Variants in RBPJ observed in about 807,000 individuals in gnomAD.
RBPJ encodes the protein recombination signal binding protein for immunoglobulin kappa J region.
RBPJ carries 9 observed loss-of-function variants against 67.8 expected under a neutral mutation model. The ratio of observed to expected loss-of-function variants is 0.13; its 90% CI spans 0.08 to 0.23. The LOEUF is 0.23. Ranked by LOEUF, RBPJ falls within the 10% of genes least tolerant of loss-of-function variation. The pLI is 1.00. For missense variants in RBPJ, 305 were observed against 595.6 expected (o/e 0.51, Z 5.08); for synonymous variants, 198 against 203.3 (o/e 0.97, Z 0.22).
At chr4:26,230,986 T>A (rs775066833) in intron 1 of RBPJ, among the ~76,000 whole-genome samples, 57 of 152,166 alleles carry the variant, frequency 3.7e-4, no homozygotes, top group Non-Finnish European at 1.5e-4. Flanking sequence ...TCCCCCAGGC[T>A]CTCTGACAAC....
intron 1 of RBPJ, among the ~76,000 whole-genome samples, chr4:26,354,075 C>A (rs962427098): frequency 6.6e-6 from 1 of 151,926 alleles, no homozygotes; most frequent in African/African-American, 2.4e-5. Flanking sequence ...GGACTACAGG[C>A]GCGTGCCACC....
chr4:26,327,971 T>C (rs1434769456), intron 1 of RBPJ, among the ~76,000 whole-genome samples: 3 of 152,214 alleles, frequency 2.0e-5, no homozygotes, highest in African/African-American at 7.2e-5. Flanking sequence ...GAACAGTCTA[T>C]TATGGACATA....
intron 1 of RBPJ, among the ~76,000 whole-genome samples, chr4:26,281,437 C>T (rs1426588757): frequency 1.3e-5 from 2 of 152,116 alleles, no homozygotes; most frequent in Non-Finnish European, 2.9e-5. Flanking sequence ...CACCACCACA[C>T]CCAGCTAATT....
At chr4:26,171,876 T>C (rs964126987) in intron 1 of RBPJ, among the ~76,000 whole-genome samples, 1 of 152,206 alleles carries the variant, frequency 6.6e-6, no homozygotes, top group Non-Finnish European at 1.5e-5. Flanking sequence ...CCTGCCCCTG[T>C]CATCAGCAGG....
intron 1 of RBPJ, among the ~76,000 whole-genome samples, chr4:26,300,090 G>A (rs552629644): frequency 2.0e-4 from 31 of 152,282 alleles, no homozygotes; most frequent in African/African-American, 7.5e-4. Flanking sequence ...AAAGATTCTT[G>A]ACTTGGAAGC....
intron 1 of RBPJ, among the ~76,000 whole-genome samples, chr4:26,335,342 C>T (rs558725185): frequency 7.9e-5 from 12 of 151,964 alleles, no homozygotes; most frequent in Middle Eastern, 6.8e-3. Context: ...CCACCACGCC[C>T]GGCTGATTTT....
At position 26,430,893 on chromosome 4, in the gene RBPJ, C is replaced by T; in HGVS notation, c.1350C>T (p.Ala450=). The T allele has an allele frequency of 6.2e-7, 1 of 1,613,958 alleles. No individual in the cohort carries two copies. The highest frequency in any genetic ancestry group is 1.1e-5 in the South Asian group (1 of 91,068). ...GTGCAGCAGGAGCAATCCTTCGAGCCAATTCAAGCCAGGTGCCCCCTAACG... is the reference window on the plus strand; with the variant it reads ...GTGCAGCAGGAGCAATCCTTCGAGCTAATTCAAGCCAGGTGCCCCCTAACG... ...HCSAAGAILR[A]NSSQVPPNES... The change falls in exon 11 of 11, where the codon GCC becomes GCT. Residue 450 remains alanine (A), a synonymous_variant. Coordinates refer to ENST00000355476, the MANE Select transcript of RBPJ (RefSeq NM_015874.6). This position sits in a 1 kb window ranked among gnomAD's most constrained non-coding sequence, Gnocchi z 4.1.
intron 1 of RBPJ, among the ~76,000 whole-genome samples, chr4:26,331,681 G>T (rs138232809): frequency 2.4e-4 from 36 of 152,292 alleles, no homozygotes; most frequent in Non-Finnish European, 4.0e-4. Flanking sequence ...CAGGAACATA[G>T]TTGTCCTCCT....
At chr4:26,230,209 T>C (rs1719228676) in intron 1 of RBPJ, among the ~76,000 whole-genome samples, 1 of 150,854 alleles carries the variant, frequency 6.6e-6, no homozygotes, top group South Asian at 2.1e-4. Flanking sequence ...AAAAAAGTCA[T>C]TATGACACAT....
chr4:26,419,034 G>T (rs73121200), intron 4 of RBPJ, among the ~76,000 whole-genome samples: 1 of 152,072 alleles, frequency 6.6e-6, no homozygotes, highest in Non-Finnish European at 1.5e-5. Flanking sequence ...GCTGGAGTGC[G>T]GTGGTGGGAT....
At chr4:26,334,590 G>A (rs187808283) in intron 1 of RBPJ, among the ~76,000 whole-genome samples, 206 of 152,178 alleles carry the variant, frequency 1.4e-3, no homozygotes, top group African/African-American at 4.8e-3. Flanking sequence ...CTTAACGTCC[G>A]TTTCCTTTCT....
rs766071390 is a variant in RBPJ at position 26,428,746 on chromosome 4, C to T, written c.774C>T (p.Thr258=). 10 of 1,609,182 alleles carry T rather than the reference C, an allele frequency of 6.2e-6. No individual in the cohort carries two copies. The highest frequency in any genetic ancestry group is 2.2e-5 in the East Asian group (1 of 44,766). ...TAATTAGGAAAGTTGATAAGCAGAC[C>T]GCATTATTGGATGCAGATGATCCTG... The part of the protein sequence containing the change: ...RLIIRKVDKQ[T]ALLDADDPVS... Residue 258 remains threonine (T), a synonymous_variant, in exon 8 of 11, where the codon ACC becomes ACT. Coordinates refer to ENST00000355476, the MANE Select transcript of RBPJ (RefSeq NM_015874.6).
At chr4:26,379,060 A>G (rs1730048582) in intron 1 of RBPJ, among the ~76,000 whole-genome samples, 1 of 152,068 alleles carries the variant, frequency 6.6e-6, no homozygotes, top group Non-Finnish European at 1.5e-5. Context: ...AAATAAGAAA[A>G]CGGTGCTTTT....
chr4:26,130,077 G>T, the RBPJ span, among the ~76,000 whole-genome samples: 1 of 152,158 alleles, frequency 6.6e-6, no homozygotes, highest in South Asian at 2.1e-4. Flanking sequence ...GGCCAGGCTG[G>T]TCTCAAACTC....
At chr4:26,429,862 T>C (rs1367803753) in intron 8 of RBPJ, 36 bp from the exon 9 acceptor site, 1 of 1,577,386 alleles carries the variant, frequency 6.3e-7, no homozygotes, top group South Asian at 1.1e-5. Flanking sequence ...ATACAAACTG[T>C]ATAAAACTTA....
At chr4:26,243,544 T>C (rs1475006165) in intron 1 of RBPJ, among the ~76,000 whole-genome samples, 3 of 152,206 alleles carry the variant, frequency 2.0e-5, no homozygotes, top group Non-Finnish European at 2.9e-5. Context: ...AGATCAACAT[T>C]TGGATGATCT....
At chr4:26,362,562 C>T in intron 1 of RBPJ, 1 of 1,611,256 alleles carries the variant, frequency 6.2e-7, no homozygotes, top group Non-Finnish European at 8.5e-7. Context: ...TTTTGAGGTG[C>T]ATCGAAGTGT....
At chr4:26,371,119 C>A (rs1009604538) in intron 1 of RBPJ, among the ~76,000 whole-genome samples, 2 of 151,432 alleles carry the variant, frequency 1.3e-5, no homozygotes, top group Admixed American at 1.3e-4. Flanking sequence ...TGTCAACTTA[C>A]AATTTTTTTC....
intron 2 of RBPJ, among the ~76,000 whole-genome samples, chr4:26,405,265 C>A (rs145645441): frequency 6.6e-6 from 1 of 152,092 alleles, no homozygotes; most frequent in African/African-American, 2.4e-5. Context: ...CATTTAATAA[C>A]GTATTACTAT....
Sources: allele counts gnomAD v4.1 joint callset (sites outside exome capture counted in the v4.1 genomes callset), GRCh38; gene constraint gnomAD v4.1.1; non-coding constraint Gnocchi (gnomAD v3.1); transcripts MANE v1.5; gene names NCBI Gene and HGNC (gene_info 2026-07-23, HGNC 2026-07-21).